The following ABCC4 variants were observed in gnomAD, a reference collection of about 807,000 sequenced individuals.
ABCC4 encodes ATP binding cassette subfamily C member 4 (PEL blood group), also known as ATP-binding cassette sub-family C member 4.
Under a neutral mutation model 168.5 loss-of-function variants are expected in ABCC4, and 102 were observed. That is an observed-to-expected ratio of 0.61 (90% CI 0.52 to 0.71). The LOEUF (loss-of-function observed/expected upper bound fraction) is 0.71. Ranked by LOEUF, ABCC4 falls within the 30% of genes least tolerant of loss-of-function variation. ABCC4 has a pLI of 0.00. For synonymous variants in ABCC4, 617 were observed against 590.7 expected (o/e 1.04, Z -0.65); for missense variants, 1,402 against 1,605.8 (o/e 0.87, Z 2.17).
At chr13:95,077,660 T>C (rs998916604) in intron 21 of ABCC4, among the ~76,000 whole-genome samples, 10 of 146,938 alleles carry the variant, frequency 6.8e-5, no homozygotes, top group Non-Finnish European at 1.5e-4. Context: ...AGGCGATGGC[T>C]ACATATGTTT....
In ABCC4 at chr13:95,071,910, T is replaced by C. The variant is rs998376906; in HGVS notation, c.3019-57A>G. On this transcript the variant is annotated intron_variant, in intron 24 of 30. Transcript: ENST00000645237. The stretch of plus-strand genomic sequence containing the variant: ...GAATGGAGGGTGTCATTTATGGATG[T>C]TAAGAGACTGTCAATGAAATGTTCT... The C allele has an allele frequency of 1.4e-5, 17 of 1,231,346 alleles. No individual in the cohort carries two copies. The African/African-American group carries it at 2.5e-4, about 18-fold the overall frequency. 76.3% of individuals were successfully genotyped at this position (1,231,346 alleles called of 1,614,324 possible).
Position 95,034,653 on chromosome 13 carries a change from T to C in ABCC4, c.3822A>G (p.Gln1274=). ...NKESLFYKMV[Q]QLGKAEAAAL... ...CAGCGGCTTCTGCCTTGCCCAGTTGTTGCACCATCTTGTAAAATAGGCTCT... is the reference window on the plus strand; with the variant it reads ...CAGCGGCTTCTGCCTTGCCCAGTTGCTGCACCATCTTGTAAAATAGGCTCT... Residue 1274 remains glutamine, a synonymous_variant, in exon 30 of 31, where the codon CAA becomes CAG. Transcript: ENST00000645237. The C allele has an allele frequency of 6.2e-7, 1 of 1,614,236 alleles. No homozygotes were observed. The highest frequency in any genetic ancestry group is 2.2e-5 in the East Asian group (1 of 44,882).
intron 30 of ABCC4, among the ~76,000 whole-genome samples, chr13:95,029,259 G>A (rs1316534409): frequency 3.2e-5 from 1 of 31,180 alleles, no homozygotes; most frequent in African/African-American, 1.1e-4. Flanking sequence ...GAGAGAAAGA[G>A]AGAGAGAGAG....
At chr13:95,075,727 T>C in intron 21 of ABCC4, 176 bp from the exon 22 acceptor site, 1 of 727,536 alleles carries the variant, frequency 1.4e-6, no homozygotes, top group African/African-American at 1.8e-5. Flanking sequence ...GCCACTGGAA[T>C]CTCAAGCTCC....
chr13:95,250,932 C>T (rs1213718418), intron 1 of ABCC4, among the ~76,000 whole-genome samples: 1 of 151,902 alleles, frequency 6.6e-6, no homozygotes, highest in African/African-American at 2.4e-5. Flanking sequence ...GGAGTACAGG[C>T]ACATGCCACT....
intron 20 of ABCC4, among the ~76,000 whole-genome samples, chr13:95,094,284 A>G (rs1594083879): frequency 6.6e-6 from 1 of 152,214 alleles, no homozygotes; most frequent in East Asian, 1.9e-4. Context: ...AAACTGTACT[A>G]TAAGGCCATA....
chr13:95,048,168 A>T (rs985883973), intron 27 of ABCC4, among the ~76,000 whole-genome samples: 4 of 152,254 alleles, frequency 2.6e-5, no homozygotes, highest in African/African-American at 7.2e-5. Flanking sequence ...CCAAGATATC[A>T]TAACATTATA....
At chr13:95,067,042 G>A (rs962838580) in intron 25 of ABCC4, among the ~76,000 whole-genome samples, 2 of 152,204 alleles carry the variant, frequency 1.3e-5, no homozygotes, top group Admixed American at 1.3e-4. Context: ...AGAGAAGCCT[G>A]CAGCTACGTT....
chr13:95,125,451 A>G (rs929767494), intron 19 of ABCC4, among the ~76,000 whole-genome samples: 1 of 152,216 alleles, frequency 6.6e-6, no homozygotes, highest in African/African-American at 2.4e-5. Context: ...AATCATAATT[A>G]AAGTAAAACA....
intron 24 of ABCC4, among the ~76,000 whole-genome samples, chr13:95,072,655 A>G (rs1351224884): frequency 6.6e-6 from 1 of 152,176 alleles, no homozygotes; most frequent in African/African-American, 2.4e-5. Flanking sequence ...ACATTGATTA[A>G]AGCCTCCTAT....
chr13:95,250,445 A>G (rs1207227044), intron 1 of ABCC4, among the ~76,000 whole-genome samples: 1 of 152,226 alleles, frequency 6.6e-6, no homozygotes, highest in Admixed American at 6.5e-5. Context: ...ATAAACAGTT[A>G]TGGAAAGAAT....
In ABCC4 at chr13:95,126,720, A is replaced by AATATATATATATATATATAT. The variant is rs71111594; in HGVS notation, c.2456-10739_2456-10720dup. Among the ~76,000 whole-genome samples the AATATATATATATATATATAT allele has an allele frequency of 3.1e-4, 25 of 81,660 alleles. 1 individual carries two copies. Among genetic ancestry groups the AATATATATATATATATATAT allele is most frequent in the East Asian group, 1.1e-3 (3 of 2,684 alleles). The allele number at this position is 81,660 out of a possible 152,430, so 53.6% of individuals were successfully genotyped here. ...ATAAAAATGCATGAACTTTTTTTGG[A>AATATATATATATATATATAT]ATATATATATATATATATATATATA... On this transcript the variant is annotated intron_variant, in intron 19 of 30. Coordinates refer to ENST00000645237, the MANE Select transcript of ABCC4 (RefSeq NM_005845.5).
chr13:95,064,330 A>T (rs1197587300), intron 25 of ABCC4, among the ~76,000 whole-genome samples: 1 of 148,864 alleles, frequency 6.7e-6, no homozygotes, highest in African/African-American at 2.5e-5. Flanking sequence ...TTTCTGAGAT[A>T]ATTTCACAGG....
intron 20 of ABCC4, among the ~76,000 whole-genome samples, chr13:95,084,739 T>G (rs1594070039): frequency 6.6e-6 from 1 of 152,236 alleles, no homozygotes; most frequent in South Asian, 2.1e-4. Flanking sequence ...CAATAGCAAA[T>G]GACATGTATG....
intron 1 of ABCC4, among the ~76,000 whole-genome samples, chr13:95,297,529 G>A (rs938253016): frequency 5.9e-5 from 9 of 152,142 alleles, no homozygotes; most frequent in African/African-American, 1.7e-4. Context: ...CAACAAGAAG[G>A]TGAAAAAGCA....
At chr13:95,087,346 C>T (rs1303406609) in intron 20 of ABCC4, among the ~76,000 whole-genome samples, 8 of 152,140 alleles carry the variant, frequency 5.3e-5, no homozygotes, top group African/African-American at 1.7e-4. Context: ...GGCGAAACCC[C>T]GTCTCTACTA....
intron 10 of ABCC4, among the ~76,000 whole-genome samples, chr13:95,188,115 G>A (rs1322693364): frequency 2.0e-5 from 3 of 152,132 alleles, no homozygotes; most frequent in African/African-American, 7.2e-5. Flanking sequence ...CAGATGTCTT[G>A]TAGCATCTAG....
intron 20 of ABCC4, among the ~76,000 whole-genome samples, chr13:95,096,936 T>C (rs1288959435): frequency 6.6e-6 from 1 of 152,208 alleles, no homozygotes; most frequent in African/African-American, 2.4e-5. Context: ...CATACATGCA[T>C]ACATATGTAT....
chr13:95,122,681 C>T (rs2035614632), intron 19 of ABCC4, among the ~76,000 whole-genome samples: 1 of 152,172 alleles, frequency 6.6e-6, no homozygotes, highest in South Asian at 2.1e-4. Context: ...TGCTTGCCTC[C>T]ACCTACCAGG....
Sources: gnomAD v4.1 joint callset for allele counts (sites outside exome capture counted in the v4.1 genomes callset) on GRCh38, gnomAD v4.1.1 for gene constraint, MANE v1.5 for transcripts, NCBI Gene and HGNC (gene_info 2026-07-23, HGNC 2026-07-21) for gene names.